The following SORBS2 variants were observed in gnomAD, a reference collection of about 807,000 sequenced individuals.
The protein encoded by SORBS2 is sorbin and SH3 domain containing 2.
In SORBS2, 46 loss-of-function variants were observed where a neutral mutation model predicts 97.7. The ratio of observed to expected loss-of-function variants is 0.47; its 90% CI spans 0.37 to 0.60. The LOEUF is 0.60. Among genes scored for constraint, SORBS2 ranks in the 20% least tolerant of loss-of-function variants. The pLI, the probability that SORBS2 is intolerant of heterozygous loss-of-function variation, is 0.00. For missense variants in SORBS2, 1,316 were observed against 1,282.3 expected (o/e 1.03, Z -0.40); for synonymous variants, 476 against 473.4 (o/e 1.01, Z -0.07).
At chr4:185,802,946 G>A (rs957095406) in intron 1 of SORBS2, among the ~76,000 whole-genome samples, 3 of 152,204 alleles carry the variant, frequency 2.0e-5, no homozygotes, top group Non-Finnish European at 4.4e-5. Context: ...GAGAGTGCAT[G>A]CAGATTTCTC....
intron 2 of SORBS2, among the ~76,000 whole-genome samples, chr4:185,736,034 G>A (rs1008271845): frequency 2.6e-5 from 4 of 152,204 alleles, no homozygotes; most frequent in South Asian, 2.1e-4. Context: ...AAGCAGAGCC[G>A]TGGACAGGTG....
intron 4 of SORBS2, among the ~76,000 whole-genome samples, chr4:185,669,766 C>G (rs1305144782): frequency 6.6e-6 from 1 of 152,114 alleles, no homozygotes; most frequent in Non-Finnish European, 1.5e-5. Flanking sequence ...AAAAGAGAGT[C>G]TGGGTCTGGC....
intron 9 of SORBS2, among the ~76,000 whole-genome samples, chr4:185,615,524 T>C (rs1393772646): frequency 6.6e-6 from 1 of 152,088 alleles, no homozygotes; most frequent in Non-Finnish European, 1.5e-5. Flanking sequence ...TTTTTTTTTT[T>C]TTTGTCCTGA....
intron 4 of SORBS2, among the ~76,000 whole-genome samples, chr4:185,674,085 G>C (rs556451063): frequency 1.3e-5 from 2 of 152,066 alleles, no homozygotes; most frequent in African/African-American, 4.8e-5. Flanking sequence ...AAAACCCATC[G>C]ACTAGCCAAT....
intron 4 of SORBS2, 123 bp downstream of exon 14, chr4:185,638,754 T>A: frequency 1.1e-6 from 1 of 887,304 alleles, no homozygotes; most frequent in Non-Finnish European, 1.6e-6. Flanking sequence ...ATGAGAAGAT[T>A]CTGGGGCCTG....
chr4:185,723,760 A>T (rs535877342), intron 2 of SORBS2, among the ~76,000 whole-genome samples: 1 of 152,324 alleles, frequency 6.6e-6, no homozygotes, highest in South Asian at 2.1e-4. Flanking sequence ...TTGAGGAAAG[A>T]AAGTAATTCA....
At chr4:185,726,408 A>G (rs2098554651) in intron 2 of SORBS2, among the ~76,000 whole-genome samples, 1 of 152,172 alleles carries the variant, frequency 6.6e-6, no homozygotes, top group Admixed American at 6.5e-5. Flanking sequence ...ACAGGCTTGC[A>G]ATAAATATGG....
At chr4:185,715,554 A>AT (rs1209429855) in intron 2 of SORBS2, among the ~76,000 whole-genome samples, 2 of 152,156 alleles carry the variant, frequency 1.3e-5, no homozygotes, top group Non-Finnish European at 2.9e-5. Flanking sequence ...AGTTAACTCT[A>AT]TTTTTCCCTA....
rs200744252 is a variant in SORBS2, at chr4:185,602,892, TA to T, written c.2796+8887del. Among the ~76,000 whole-genome samples the T allele has an allele frequency of 3.2e-3, 482 of 152,282 alleles. 3 individuals carry two copies. The highest frequency in any genetic ancestry group is 0.011 in the African/African-American group (464 of 41,562). On this transcript the variant is annotated intron_variant, in intron 12 of 14. Transcript: ENST00000418609. Reference sequence around the variant, plus strand: ...GACTACAAAATAGATTTATAAGGTTTAAAAAAACTCAGTGGGAGATTCAAAA... The same window carrying T: ...GACTACAAAATAGATTTATAAGGTTTAAAAAACTCAGTGGGAGATTCAAAA...
At chr4:185,652,514 G>T in intron 2 of SORBS2, 148 bp downstream of exon 10, 1 of 675,742 alleles carries the variant, frequency 1.5e-6, no homozygotes, top group South Asian at 1.8e-5. Context: ...AGGGGTGACA[G>T]AAGGAGAACA....
At chr4:185,598,259 C>T (rs1415708677) in intron 12 of SORBS2, among the ~76,000 whole-genome samples, 2 of 152,124 alleles carry the variant, frequency 1.3e-5, no homozygotes, top group Non-Finnish European at 2.9e-5. Context: ...AAGCATGCTG[C>T]GGTTTTCATC....
intron 5 of SORBS2, among the ~76,000 whole-genome samples, chr4:185,629,055 GT>G (rs1359330975): frequency 6.6e-6 from 1 of 152,186 alleles, no homozygotes; most frequent in Non-Finnish European, 1.5e-5. Flanking sequence ...CTTTCTTTAT[GT>G]TTTTGTCTTA....
chr4:185,644,744 A>T (rs975632669), intron 4 of SORBS2, among the ~76,000 whole-genome samples: 2 of 152,212 alleles, frequency 1.3e-5, no homozygotes, highest in African/African-American at 4.8e-5. Flanking sequence ...CTCAATAAAG[A>T]TTTACAATGA....
intron 1 of SORBS2, among the ~76,000 whole-genome samples, chr4:185,901,727 T>C (rs75799538): frequency 0.012 from 1,879 of 152,326 alleles, 24 homozygotes; most frequent in African/African-American, 0.033. Context: ...AATGTTGAAA[T>C]AATTATCAGG....
At chr4:185,596,427 A>G (rs2096089530) in intron 12 of SORBS2, among the ~76,000 whole-genome samples, 3 of 152,080 alleles carry the variant, frequency 2.0e-5, no homozygotes, top group East Asian at 3.9e-4. Flanking sequence ...CCCATTGACC[A>G]TTATGAAAAT....
chr4:185,767,317 G>T (rs1194773025), intron 2 of SORBS2, among the ~76,000 whole-genome samples: 1 of 142,982 alleles, frequency 7.0e-6, no homozygotes, highest in Non-Finnish European at 1.5e-5. Flanking sequence ...GCTAACACAC[G>T]GTGAAACCCC....
chr4:185,677,110 C>T (rs1383052125), intron 4 of SORBS2: 4 of 1,551,652 alleles, frequency 2.6e-6, no homozygotes, highest in Non-Finnish European at 3.5e-6. Flanking sequence ...TTGTGGCTTT[C>T]AAGATCCTGT....
intron 1 of SORBS2, among the ~76,000 whole-genome samples, chr4:185,794,009 C>G (rs1337552590): frequency 6.6e-6 from 1 of 152,174 alleles, no homozygotes; most frequent in African/African-American, 2.4e-5. Flanking sequence ...ATTGGAGGAG[C>G]CCTGCCTTTG....
Position 185,684,593 on chromosome 4 carries a change from A to G in SORBS2, c.-197-5771T>C, listed in dbSNP as rs1033214655. On this transcript the variant is annotated intron_variant, in intron 2 of 20. Coordinates refer to the SORBS2 transcript ENST00000284776. This position sits in a 1 kb window ranked among gnomAD's most constrained non-coding sequence, Gnocchi z 4.2. The stretch of plus-strand genomic sequence containing the variant: ...TGAATAGTTATTAACACTCGCAGTT[A>G]CTCAACCTATTTTTGGCAAGTGACT... Among the ~76,000 whole-genome samples, 1 of 152,214 alleles carries G rather than the reference A, an allele frequency of 6.6e-6. No individual in the cohort carries two copies. The highest frequency in any genetic ancestry group is 2.4e-5 in the African/African-American group (1 of 41,456).
Sources: allele counts gnomAD v4.1 joint callset (sites outside exome capture counted in the v4.1 genomes callset), GRCh38; gene constraint gnomAD v4.1.1; non-coding constraint Gnocchi (gnomAD v3.1); transcripts MANE v1.5; gene names NCBI Gene and HGNC (gene_info 2026-07-23, HGNC 2026-07-21).